The following CUX1 variants were observed in gnomAD, a reference collection of about 807,000 sequenced individuals.
CUX1 encodes the protein cut like homeobox 1.
Under a neutral mutation model 158.8 loss-of-function variants are expected in CUX1, and 31 were observed. That is an observed-to-expected ratio of 0.20 (90% CI 0.15 to 0.26). The LOEUF (loss-of-function observed/expected upper bound fraction) is 0.26. Among genes scored for constraint, CUX1 ranks in the 10% least tolerant of loss-of-function variants. The probability of loss-of-function intolerance (pLI) is 1.00; values close to 1 mark genes in which losing one functional copy is unlikely to be tolerated. For synonymous variants in CUX1, 879 were observed against 862.1 expected, an observed-to-expected ratio of 1.02 and a Z score of -0.34; for missense variants, 1,589 against 2,014.6, an observed-to-expected ratio of 0.79 and a Z score of 4.04.
chr7:102,264,009 T>C (rs1287976780), intron 14 of CUX1, among the ~76,000 whole-genome samples: 2 of 140,506 alleles, frequency 1.4e-5, no homozygotes, highest in African/African-American at 5.3e-5. Context: ...AACTTCTTTT[T>C]TTTTTTTTTT....
At chr7:101,859,914 CT>C (rs1797255139) in intron 1 of CUX1, among the ~76,000 whole-genome samples, 2 of 150,122 alleles carry the variant, frequency 1.3e-5, no homozygotes, top group Admixed American at 1.3e-4. Flanking sequence ...TTATTTCCTT[CT>C]TTCCTTTGTC....
intron 15 of CUX1, among the ~76,000 whole-genome samples, chr7:102,273,717 C>T (rs1470655493): frequency 6.6e-6 from 1 of 152,242 alleles, no homozygotes; most frequent in East Asian, 1.9e-4. Flanking sequence ...GGCTTCCTAG[C>T]GGTAGCACAG....
intron 2 of CUX1, among the ~76,000 whole-genome samples, chr7:101,926,425 C>T (rs1252188000): frequency 6.6e-6 from 1 of 152,076 alleles, no homozygotes; most frequent in Non-Finnish European, 1.5e-5. Context: ...CATTATCCCC[C>T]TACATCCCAG....
In CUX1 at chr7:102,250,256, G is replaced by C; in HGVS notation, c.*1214G>C. On this transcript the variant is annotated 3_prime_UTR_variant, in exon 24 of 24. Transcript: ENST00000292535. ...GTGCGTCTGCACGTGTGCAAGCATT[G>C]AAAGAAAGGAGAGAGTAGTCCGGGC... The C allele has an allele frequency of 1.0e-6, 1 of 985,406 alleles. No homozygotes were observed. Among genetic ancestry groups the C allele is most frequent in the Non-Finnish European group, 1.2e-6 (1 of 829,950 alleles). The allele number at this position is 985,406 out of a possible 1,614,324, so 61.0% of individuals were successfully genotyped here. A position where few individuals can be genotyped will look rare whatever the true frequency, so the allele number is the denominator to read the frequency against.
At chr7:101,968,976 A>G (rs1811584404) in intron 2 of CUX1, among the ~76,000 whole-genome samples, 1 of 152,090 alleles carries the variant, frequency 6.6e-6, no homozygotes, top group African/African-American at 2.4e-5. Flanking sequence ...CTGATCTGTT[A>G]CTGGAAACGC....
rs77961796 is a variant in CUX1, at chr7:101,948,574, G to A, written c.141+32349G>A. Among the ~76,000 whole-genome samples, 64 of 152,278 alleles carry A rather than the reference G, an allele frequency of 4.2e-4. No homozygotes were observed. In the East Asian group the frequency reaches 0.011, roughly 27 times the overall value. On this transcript the variant is annotated intron_variant, in intron 2 of 23. Transcript: ENST00000292535. ...AGTGTCTCTGTCCCTCTGGGTCTCCGAGTTCCCTTGAGTCTGGGCCTCTGT... is the reference window on the plus strand; with the variant it reads ...AGTGTCTCTGTCCCTCTGGGTCTCCAAGTTCCCTTGAGTCTGGGCCTCTGT...
At chr7:102,152,409 T>C (rs1835790354) in intron 8 of CUX1, among the ~76,000 whole-genome samples, 1 of 149,382 alleles carries the variant, frequency 6.7e-6, no homozygotes, top group South Asian at 2.1e-4. Context: ...AGATTTTTGT[T>C]TGTTTGTTTT....
At chr7:101,905,474 A>G (rs1251048192) in intron 1 of CUX1, among the ~76,000 whole-genome samples, 2 of 152,162 alleles carry the variant, frequency 1.3e-5, no homozygotes, top group South Asian at 2.1e-4. Flanking sequence ...TGTTCACCCG[A>G]CAGGCAGTGG....
intron 1 of CUX1, among the ~76,000 whole-genome samples, chr7:101,888,326 G>A (rs769943288): frequency 2.0e-5 from 3 of 151,474 alleles, no homozygotes; most frequent in Non-Finnish European, 4.4e-5. Flanking sequence ...GTGAGGCTCC[G>A]TCTCCAAAAA....
At chr7:102,259,542 T>C (rs1219431700), downstream of CUX1, among the ~76,000 whole-genome samples, 1 of 152,004 alleles carries the variant, frequency 6.6e-6, no homozygotes, top group Non-Finnish European at 1.5e-5. Context: ...GAGCCGAGAT[T>C]GTGCCACTGC....
chr7:102,271,611 A>G (rs1554546295), intron 14 of CUX1, among the ~76,000 whole-genome samples: 1 of 152,100 alleles, frequency 6.6e-6, no homozygotes, highest in African/African-American at 2.4e-5. Context: ...CCTGCCCCCG[A>G]CAGTCCTCCC....
intron 3 of CUX1, among the ~76,000 whole-genome samples, chr7:102,046,608 ACT>A (rs1194188919): frequency 2.9e-5 from 2 of 68,742 alleles, no homozygotes; most frequent in Non-Finnish European, 5.4e-5. Context: ...AGACAGTCTC[ACT>A]CTGTCACCCA....
At chr7:102,073,323 A>C (rs530340134) in intron 4 of CUX1, among the ~76,000 whole-genome samples, 1 of 151,286 alleles carries the variant, frequency 6.6e-6, no homozygotes, top group South Asian at 2.1e-4. Flanking sequence ...ACAGGCACCC[A>C]TCACGACACC....
chr7:102,037,660 G>A (rs1380605055), intron 3 of CUX1, among the ~76,000 whole-genome samples: 5 of 151,876 alleles, frequency 3.3e-5, no homozygotes, highest in Admixed American at 1.3e-4. Flanking sequence ...CCCTGGGCTG[G>A]GTAGAATTTC....
chr7:102,159,608 C>T (rs1790194441), intron 9 of CUX1, among the ~76,000 whole-genome samples: 1 of 152,226 alleles, frequency 6.6e-6, no homozygotes, highest in African/African-American at 2.4e-5. Flanking sequence ...CGCCTGTAAT[C>T]CCAGCAGTCT....
chr7:102,120,574 C>T (rs1419321227), intron 8 of CUX1, among the ~76,000 whole-genome samples: 2 of 152,178 alleles, frequency 1.3e-5, no homozygotes, highest in African/African-American at 4.8e-5. Context: ...GAGACATTTA[C>T]GAGGAACTTC....
intron 1 of CUX1, among the ~76,000 whole-genome samples, chr7:101,902,702 G>C (rs1291337417): frequency 6.6e-6 from 1 of 152,198 alleles, no homozygotes; most frequent in East Asian, 1.9e-4. Context: ...TCCGTCTTCT[G>C]TCCTGCAGAC....
intron 1 of CUX1, among the ~76,000 whole-genome samples, chr7:101,891,549 A>T (rs1039349641): frequency 1.3e-5 from 2 of 152,180 alleles, no homozygotes; most frequent in African/African-American, 4.8e-5. Context: ...TGACTCACTT[A>T]ATGATCGGGG....
intron 2 of CUX1, among the ~76,000 whole-genome samples, chr7:101,944,147 ACCCAGGGAGACTGT>A (rs1808074604): frequency 6.6e-6 from 1 of 152,146 alleles, no homozygotes; most frequent in South Asian, 2.1e-4. Flanking sequence ...CCCTGTCCCC[ACCCAGGGAGACTGT>A]CCCAGCCCCT....
Sources: gnomAD v4.1 joint callset for allele counts (sites outside exome capture counted in the v4.1 genomes callset) on GRCh38, gnomAD v4.1.1 for gene constraint, MANE v1.5 for transcripts, NCBI Gene and HGNC (gene_info 2026-07-23, HGNC 2026-07-21) for gene names.